The following ZNF385B variants were observed in gnomAD, a reference collection of about 807,000 sequenced individuals.
ZNF385B encodes zinc finger protein 385B.
ZNF385B carries 23 observed loss-of-function variants against 39.2 expected under a neutral mutation model. The observed-to-expected ratio is 0.59, with a 90% CI of 0.42 to 0.83. ZNF385B has a LOEUF of 0.83. ZNF385B is among the 40% of genes least tolerant of loss of function. ZNF385B has a pLI of 0.00. For synonymous variants in ZNF385B, 205 were observed against 222.6 expected, an observed-to-expected ratio of 0.92 and a Z score of 0.70; for missense variants, 552 against 598.9, an observed-to-expected ratio of 0.92 and a Z score of 0.82.
intron 1 of ZNF385B, among the ~76,000 whole-genome samples, chr2:179,830,117 A>T (rs1656255495): frequency 1.3e-5 from 2 of 152,250 alleles, no homozygotes; most frequent in Admixed American, 1.3e-4. Context: ...AAGACTCCGT[A>T]TCATGTCACT....
At position 179,662,215 on chromosome 2, in the gene ZNF385B, A is replaced by G. The variant is rs1397320179; in HGVS notation, c.298+107288T>C. Among the ~76,000 whole-genome samples, 3 of 152,220 alleles carry G rather than the reference A, an allele frequency of 2.0e-5. No homozygotes were observed. In the East Asian group the frequency reaches 5.8e-4, roughly 29 times the overall value. ...CTGTGGTATATACAAAAGTTTGCCT[A>G]TCACAGGCCCAGCAATGCAGCTAAC... is the stretch of plus-strand genomic sequence containing the variant. On this transcript the variant is annotated intron_variant, in intron 3 of 9. Transcript: ENST00000410066.
At chr2:179,822,022 A>G (rs1559225884) in intron 1 of ZNF385B, among the ~76,000 whole-genome samples, 1 of 152,230 alleles carries the variant, frequency 6.6e-6, no homozygotes, top group Non-Finnish European at 1.5e-5. Context: ...GAAACACATT[A>G]TGTTCCTCTT....
intron 3 of ZNF385B, among the ~76,000 whole-genome samples, chr2:179,757,767 C>T (rs950078857): frequency 4.6e-5 from 7 of 152,256 alleles, no homozygotes; most frequent in Middle Eastern, 6.8e-3. Flanking sequence ...AAGCCAGGTG[C>T]GGGATATAAT....
At position 179,546,357 on chromosome 2, in the gene ZNF385B, T is replaced by C. The variant is rs116795727; in HGVS notation, c.299-1388A>G. On this transcript the variant is annotated intron_variant, in intron 3 of 9. Coordinates refer to ENST00000410066, the MANE Select transcript of ZNF385B (RefSeq NM_152520.6). ...CAGCCTCTAACTATATTTTTGTACC[T>C]ATTAACCATTCTCACTCCCCTGCCC... 6.8e-3 allele frequency among the ~76,000 whole-genome samples: 1,031 copies of C among 152,232 alleles called. 14 individuals carry two copies. Among genetic ancestry groups the C allele is most frequent in the African/African-American group, 0.024 (990 of 41,548 alleles).
chr2:179,690,910 T>C (rs1485149957), intron 3 of ZNF385B, among the ~76,000 whole-genome samples: 1 of 152,182 alleles, frequency 6.6e-6, no homozygotes, highest in Non-Finnish European at 1.5e-5. Flanking sequence ...CAAAGGTGCT[T>C]GAATCTGGGT....
chr2:179,780,417 T>C (rs1412913776), intron 1 of ZNF385B, among the ~76,000 whole-genome samples: 5 of 152,188 alleles, frequency 3.3e-5, no homozygotes, highest in South Asian at 2.1e-4. Context: ...TAGAGTCCCA[T>C]ATAAAATTCT....
At chr2:179,508,416 T>C (rs1574510277) in intron 5 of ZNF385B, among the ~76,000 whole-genome samples, 1 of 152,098 alleles carries the variant, frequency 6.6e-6, no homozygotes, top group Non-Finnish European at 1.5e-5. Flanking sequence ...AGAAGGAAAA[T>C]ACACAAACCC....
intron 6 of ZNF385B, chr2:179,481,118 C>T (rs2053941649): frequency 6.6e-6 from 1 of 152,184 alleles, no homozygotes; most frequent in Non-Finnish European, 1.5e-5. Flanking sequence ...TCCTTGTTCA[C>T]ACCACTGGTA....
At chr2:179,672,256 C>A (rs1364015925) in intron 3 of ZNF385B, among the ~76,000 whole-genome samples, 1 of 152,168 alleles carries the variant, frequency 6.6e-6, no homozygotes, top group South Asian at 2.1e-4. Context: ...GAATGTTTGT[C>A]CAGTGCCTAC....
intron 5 of ZNF385B, among the ~76,000 whole-genome samples, chr2:179,486,464 G>T (rs1435307033): frequency 6.6e-6 from 1 of 152,108 alleles, no homozygotes. Context: ...AATTTTATTA[G>T]AAGTAAAAAA....
intron 6 of ZNF385B, among the ~76,000 whole-genome samples, chr2:179,482,852 A>G: frequency 6.6e-6 from 1 of 152,128 alleles, no homozygotes; most frequent in East Asian, 1.9e-4. Context: ...GAACATAAAA[A>G]TATCTATTAG....
At position 179,555,053 on chromosome 2, in the gene ZNF385B, T is replaced by C. The variant is rs138277966; in HGVS notation, c.299-10084A>G. ...ATGCTTATGGCAATATTCTTCATAA[T>C]AGCCTCAAACTGGAAACTAGCCAGT... is the stretch of plus-strand genomic sequence containing the variant. On this transcript the variant is annotated intron_variant, in intron 3 of 9. Transcript: ENST00000410066. Among the ~76,000 whole-genome samples, 1,029 of 149,544 alleles carry C rather than the reference T, an allele frequency of 6.9e-3. 118 individuals carry two copies. The highest frequency in any genetic ancestry group is 0.024 in the African/African-American group (966 of 39,796).
rs763256094 is a variant in ZNF385B, at chr2:179,443,382, G to A, written c.1329C>T (p.Ser443=). Residue 443 remains serine, a synonymous_variant, in exon 10 of 10, where the codon TCC becomes TCT. Transcript: ENST00000410066. ...SSPLAAAAAV[S]SALSLPPRPS... ...GCCGGGGTGGGAGTGACAGCGCTGA[G>A]GACACGGCTGCCGCCGCTGCGAGAG... 12 of 1,611,758 alleles carry A rather than the reference G, an allele frequency of 7.4e-6. No individual in the cohort carries two copies. Among genetic ancestry groups the A allele is most frequent in the Admixed American group, 1.7e-5 (1 of 59,820 alleles).
At chr2:179,561,979 G>T (rs1475718724) in intron 3 of ZNF385B, among the ~76,000 whole-genome samples, 6 of 152,156 alleles carry the variant, frequency 3.9e-5, no homozygotes, top group Non-Finnish European at 5.9e-5. Flanking sequence ...TCTGAATGTG[G>T]ATTCTTGGAC....
intron 3 of ZNF385B, among the ~76,000 whole-genome samples, chr2:179,710,857 C>A (rs567344664): frequency 1.3e-5 from 2 of 152,352 alleles, no homozygotes; most frequent in South Asian, 4.1e-4. Flanking sequence ...CTGCTCCAAG[C>A]ACCTCACCTG....
At chr2:179,812,993 T>C (rs1398979255) in intron 1 of ZNF385B, among the ~76,000 whole-genome samples, 1 of 152,164 alleles carries the variant, frequency 6.6e-6, no homozygotes, top group Non-Finnish European at 1.5e-5. Flanking sequence ...AACTATTTTT[T>C]CCTGCTTGTC....
intron 3 of ZNF385B, among the ~76,000 whole-genome samples, chr2:179,680,476 TA>T (rs750205410): frequency 2.8e-4 from 43 of 152,150 alleles, no homozygotes; most frequent in Middle Eastern, 3.4e-3. Context: ...CTTTGGAAAA[TA>T]GGATAGTAGT....
intron 6 of ZNF385B, among the ~76,000 whole-genome samples, chr2:179,455,879 CAAA>C (rs58336646): frequency 0.17 from 20,808 of 123,216 alleles, 1,383 homozygotes; most frequent in East Asian, 0.36. Flanking sequence ...GACTGCATCT[CAAA>C]AAAAAAAAAA....
intron 1 of ZNF385B, among the ~76,000 whole-genome samples, chr2:179,834,938 A>C (rs575921798): frequency 6.6e-6 from 1 of 152,274 alleles, no homozygotes; most frequent in African/African-American, 2.4e-5. Flanking sequence ...ATTGAGAGAT[A>C]CTCTGCAGAG....
Sources: allele counts gnomAD v4.1 joint callset (sites outside exome capture counted in the v4.1 genomes callset), GRCh38; gene constraint gnomAD v4.1.1; transcripts MANE v1.5; gene names NCBI Gene and HGNC (gene_info 2026-07-23, HGNC 2026-07-21).